Variants in KIAA1958 observed in about 807,000 individuals in gnomAD.
KIAA1958 encodes the protein KIAA1958.
In KIAA1958, 14 loss-of-function variants were observed where a neutral mutation model predicts 47.2. That is an observed-to-expected ratio of 0.30 (90% CI 0.20 to 0.46). The LOEUF (loss-of-function observed/expected upper bound fraction) is 0.46. Among genes scored for constraint, KIAA1958 ranks in the 20% least tolerant of loss-of-function variants. The probability of loss-of-function intolerance (pLI) is 1.00; values close to 1 mark genes in which losing one functional copy is unlikely to be tolerated. For synonymous variants in KIAA1958, 354 were observed against 353.3 expected (o/e 1.00, Z -0.02); for missense variants, 803 against 909.2 (o/e 0.88, Z 1.50).
chr9:112,522,428 C>T (rs1322165414), intron 1 of KIAA1958, among the ~76,000 whole-genome samples: 2 of 152,188 alleles, frequency 1.3e-5, no homozygotes, highest in African/African-American at 2.4e-5. Context: ...ATATCTCTTC[C>T]ACCTCTAAGT....
intron 1 of KIAA1958, among the ~76,000 whole-genome samples, chr9:112,559,352 G>A (rs565371283): frequency 1.3e-5 from 2 of 152,336 alleles, no homozygotes; most frequent in East Asian, 1.9e-4. Flanking sequence ...TCAAAATAGA[G>A]TGATGTGCTC....
chr9:112,488,905 T>C (rs532152384), intron 1 of KIAA1958, among the ~76,000 whole-genome samples: 2 of 152,336 alleles, frequency 1.3e-5, no homozygotes, highest in African/African-American at 4.8e-5. Context: ...ATGCCTAATT[T>C]TGTAAATGCC....
intron 1 of KIAA1958, among the ~76,000 whole-genome samples, chr9:112,500,968 C>T (rs545286901): frequency 4.0e-5 from 6 of 151,300 alleles, no homozygotes; most frequent in African/African-American, 9.7e-5. Context: ...AAAATTAGCC[C>T]GGCATGGTTG....
intron 2 of KIAA1958, among the ~76,000 whole-genome samples, chr9:112,590,506 G>A (rs1451618123): frequency 6.6e-6 from 1 of 151,602 alleles, no homozygotes; most frequent in African/African-American, 2.4e-5. Flanking sequence ...CACCTGCCAC[G>A]ACACCCAGCT....
chr9:112,658,883 G>C (rs1043308728), intron 3 of KIAA1958, among the ~76,000 whole-genome samples: 3 of 149,562 alleles, frequency 2.0e-5, no homozygotes, highest in Non-Finnish European at 4.5e-5. Flanking sequence ...AGCCGGGCGT[G>C]GTGGCGGGAG....
At chr9:112,622,127 A>T (rs1463937793) in intron 2 of KIAA1958, among the ~76,000 whole-genome samples, 2 of 152,214 alleles carry the variant, frequency 1.3e-5, no homozygotes, top group Non-Finnish European at 2.9e-5. Flanking sequence ...TATTATTTGG[A>T]ATATTAACTT....
chr9:112,639,164 T>G (rs539768180), intron 2 of KIAA1958, among the ~76,000 whole-genome samples: 1 of 152,318 alleles, frequency 6.6e-6, no homozygotes, highest in African/African-American at 2.4e-5. Flanking sequence ...CTATTCCTAT[T>G]GAAGTTTTGC....
intron 2 of KIAA1958, among the ~76,000 whole-genome samples, chr9:112,586,532 G>A (rs527749977): frequency 1.3e-5 from 2 of 152,008 alleles, no homozygotes; most frequent in South Asian, 4.2e-4. Context: ...ATTTTAGTAT[G>A]ATTTGTATTA....
At chr9:112,508,800 A>AT (rs138673096) in intron 1 of KIAA1958, among the ~76,000 whole-genome samples, 18,990 of 151,686 alleles carry the variant, frequency 0.13, 1,688 homozygotes, top group East Asian at 0.23. Flanking sequence ...TGATTGTGTA[A>AT]TTTTTTTTTC....
chr9:112,579,690 T>C (rs1835705877), intron 2 of KIAA1958, among the ~76,000 whole-genome samples: 1 of 152,200 alleles, frequency 6.6e-6, no homozygotes, highest in Non-Finnish European at 1.5e-5. Context: ...CAGAAAGAAA[T>C]GTAGTCTAAG....
At chr9:112,606,052 G>A (rs1457600587) in intron 2 of KIAA1958, among the ~76,000 whole-genome samples, 2 of 152,190 alleles carry the variant, frequency 1.3e-5, no homozygotes, top group African/African-American at 4.8e-5. Context: ...TTCCTGACAT[G>A]TATCAGTTAC....
intron 1 of KIAA1958, among the ~76,000 whole-genome samples, chr9:112,488,271 C>T (rs1274832409): frequency 1.3e-5 from 2 of 152,054 alleles, no homozygotes; most frequent in Non-Finnish European, 2.9e-5. Flanking sequence ...TATAACCCAA[C>T]GATTGGGTTG....
At chr9:112,531,910 C>G (rs76738881) in intron 1 of KIAA1958, among the ~76,000 whole-genome samples, 1 of 152,110 alleles carries the variant, frequency 6.6e-6, no homozygotes, top group Non-Finnish European at 1.5e-5. Flanking sequence ...AGTTGGAGAC[C>G]GAGGACCCTA....
chr9:112,624,730 A>C (rs1433391687), intron 2 of KIAA1958, among the ~76,000 whole-genome samples: 4 of 152,176 alleles, frequency 2.6e-5, no homozygotes, highest in Non-Finnish European at 5.9e-5. Context: ...TTCTTATGTA[A>C]ACAATGACTT....
intron 1 of KIAA1958, among the ~76,000 whole-genome samples, chr9:112,524,801 A>G (rs1834612027): frequency 6.6e-6 from 1 of 152,226 alleles, no homozygotes; most frequent in African/African-American, 2.4e-5. Context: ...CAAGTCTTTA[A>G]TGACCCTAGT....
At chr9:112,600,578 T>C (rs1836112692) in intron 2 of KIAA1958, among the ~76,000 whole-genome samples, 1 of 152,222 alleles carries the variant, frequency 6.6e-6, no homozygotes, top group Non-Finnish European at 1.5e-5. Flanking sequence ...TTCAGCTTTA[T>C]GGAATGGACG....
In KIAA1958 at chr9:112,662,462, A is replaced by ACACACACG. The variant is rs1425795138; in HGVS notation, c.*2398_*2399insACGCACAC. The ACACACACG allele has an allele frequency of 6.6e-6, 1 of 151,464 alleles. No homozygotes were observed. Among genetic ancestry groups the ACACACACG allele is most frequent in the Non-Finnish European group, 1.5e-5 (1 of 68,054 alleles). The allele number at this position is 151,464 out of a possible 1,614,324, so 9.4% of individuals were successfully genotyped here. ...CACATATACATAAGTGTTTACACAC[A>ACACACACG]CACACGCACAATATGTGGTTAAGCC... On this transcript the variant is annotated 3_prime_UTR_variant, in exon 4 of 4. Transcript: ENST00000337530.
At position 112,646,516 on chromosome 9, in the gene KIAA1958, A is replaced by G. The variant is rs185445303; in HGVS notation, c.1344+694A>G. On this transcript the variant is annotated intron_variant, in intron 3 of 3. Transcript: ENST00000337530. ...AGGGAAATAATTGGAAGTGATGAGC[A>G]AAAAGTTAATGTCCTTGGTCCTCCA... Among the ~76,000 whole-genome samples the G allele has an allele frequency of 3.6e-3, 541 of 152,370 alleles. 2 individuals carry two copies. Among genetic ancestry groups the G allele is most frequent in the Non-Finnish European group, 5.7e-3 (390 of 68,032 alleles).
chr9:112,519,395 C>T (rs1834498667), intron 1 of KIAA1958, among the ~76,000 whole-genome samples: 1 of 152,094 alleles, frequency 6.6e-6, no homozygotes, highest in Admixed American at 6.6e-5. Flanking sequence ...TTTTCAGGGT[C>T]CGATTGGAAG....
Sources: gnomAD v4.1 joint callset for allele counts (sites outside exome capture counted in the v4.1 genomes callset) on GRCh38, gnomAD v4.1.1 for gene constraint, MANE v1.5 for transcripts, NCBI Gene and HGNC (gene_info 2026-07-23, HGNC 2026-07-21) for gene names.